TBCD: variants seen among roughly 807,000 people sequenced by gnomAD.
The protein encoded by TBCD is tubulin-specific chaperone D.
Under a neutral mutation model 169.3 loss-of-function variants are expected in TBCD, and 105 were observed. That is an observed-to-expected ratio of 0.62 (90% CI 0.53 to 0.73). The LOEUF (loss-of-function observed/expected upper bound fraction) is 0.73. TBCD is among the 30% of genes least tolerant of loss of function. TBCD has a pLI of 0.00. For missense variants in TBCD, 1,444 were observed against 1,600.1 expected, an observed-to-expected ratio of 0.90 and a Z score of 1.66; for synonymous variants, 700 against 643.9, an observed-to-expected ratio of 1.09 and a Z score of -1.32.
chr17:82,839,227 C>T (rs1314207601), intron 13 of TBCD, among the ~76,000 whole-genome samples: 1 of 152,180 alleles, frequency 6.6e-6, no homozygotes, highest in Non-Finnish European at 1.5e-5. Context: ...AAACATATAA[C>T]CCTAAATTCA....
rs1488383902 is a variant in TBCD at position 82,781,584 on chromosome 17, G to T, written c.639-5G>T. 1 of 1,613,374 alleles carries T rather than the reference G, an allele frequency of 6.2e-7. No individual in the cohort carries two copies. The highest frequency in any genetic ancestry group is 8.5e-7 in the Non-Finnish European group (1 of 1,179,828). ...GGCCTTGGTTGAGCTGTATCCTTTT[G>T]GCAGATTTATCACACGTCCTGATGT... is the stretch of plus-strand genomic sequence containing the variant. On this transcript the variant is annotated splice_region_variant and splice_polypyrimidine_tract_variant and intron_variant, in intron 6 of 38. Coordinates refer to ENST00000355528, the MANE Select transcript of TBCD (RefSeq NM_005993.5).
intron 13 of TBCD, among the ~76,000 whole-genome samples, chr17:82,867,062 G>A (rs1003460603): frequency 1.5e-4 from 23 of 152,204 alleles, no homozygotes; most frequent in Admixed American, 6.5e-4. Flanking sequence ...AGCTGACTAC[G>A]ATGGTGCTAA....
chr17:82,832,027 G>A lies in TBCD; in HGVS notation c.1318+17093G>A, dbSNP rs752878414. 6.8e-6 allele frequency: 11 copies of A among 1,612,632 alleles called. No homozygotes were observed. The highest frequency in any genetic ancestry group is 6.6e-5 in the South Asian group (6 of 91,070). ...AGGCTGGGCACCGAGGGCGGCTTCC[G>A]GAGCTGGGCTCTTGCAGGGTGATGC... On this transcript the variant is annotated intron_variant, in intron 13 of 38. Coordinates refer to ENST00000355528, the MANE Select transcript of TBCD (RefSeq NM_005993.5). This position sits in a 1 kb window ranked among gnomAD's most constrained non-coding sequence, Gnocchi z 4.9.
chr17:82,860,969 C>T (rs1208151571), intron 13 of TBCD, among the ~76,000 whole-genome samples: 1 of 152,194 alleles, frequency 6.6e-6, no homozygotes, highest in Non-Finnish European at 1.5e-5. Flanking sequence ...GGGGGGAGCT[C>T]TTCAGAATCT....
chr17:82,756,471 GT>G (rs900121556), intron 2 of TBCD, among the ~76,000 whole-genome samples: 2 of 151,542 alleles, frequency 1.3e-5, no homozygotes, highest in African/African-American at 2.4e-5. Context: ...CTCCTCATGT[GT>G]TTTTTTTGTT....
rs527893726 is a variant in TBCD, at chr17:82,870,378, G to A, written c.1473G>A (p.Ser491=). The change falls in exon 14 of 39, where the codon TCG becomes TCA. Residue 491 remains serine (S), a splice_region_variant and synonymous_variant. Coordinates refer to ENST00000355528, the MANE Select transcript of TBCD (RefSeq NM_005993.5). The stretch of plus-strand genomic sequence containing the variant: ...TGAAGCCCTTTGTGACTGCAATCTC[G>A]AGGTAGGCCCATTCGTCGAGGTACA... The part of the protein sequence containing the change: ...QELKPFVTAI[S]SALVIAAVFD... The A allele has an allele frequency of 8.1e-6, 13 of 1,612,110 alleles. No individual in the cohort carries two copies. The highest frequency in any genetic ancestry group is 2.2e-5 in the East Asian group (1 of 44,860).
chr17:82,883,258 C>T (rs1168132022), intron 14 of TBCD, among the ~76,000 whole-genome samples: 2 of 152,240 alleles, frequency 1.3e-5, no homozygotes, highest in Non-Finnish European at 1.5e-5. Flanking sequence ...CCTTGGAGGC[C>T]GCTTATCTCC....
At chr17:82,758,642 CTTTTGCTTTTTTT>C (rs1568090460) in intron 2 of TBCD, among the ~76,000 whole-genome samples, 2 of 141,416 alleles carry the variant, frequency 1.4e-5, no homozygotes, top group African/African-American at 5.3e-5. Context: ...TTTTTCCACC[CTTTTGCTTTTTTT>C]TTTTTCTTTT....
At chr17:82,896,111 A>T (rs2059458743) in intron 17 of TBCD, 1 of 152,114 alleles carries the variant, frequency 6.6e-6, no homozygotes, top group Non-Finnish European at 1.5e-5. Flanking sequence ...CCCCTTCTTC[A>T]GGCACCCCTG....
rs11288367 is a variant in TBCD, at chr17:82,798,151, A to ATT, written c.817+361_817+362dup. On this transcript the variant is annotated intron_variant, in intron 8 of 38. Coordinates refer to ENST00000355528, the MANE Select transcript of TBCD (RefSeq NM_005993.5). ...GCCACCATGCCCAGCTAATTTTTGT[A>ATT]TTTTTTTTTTTTTGAGATGGATTTT... is the stretch of plus-strand genomic sequence containing the variant. Among the ~76,000 whole-genome samples the ATT allele has an allele frequency of 8.2e-3, 971 of 117,846 alleles. 16 individuals carry two copies. The highest frequency in any genetic ancestry group is 0.027 in the African/African-American group (890 of 33,188). 77.3% of individuals were successfully genotyped at this position (117,846 alleles called of 152,430 possible).
intron 13 of TBCD, among the ~76,000 whole-genome samples, chr17:82,862,181 C>T (rs1016893521): frequency 1.3e-5 from 2 of 152,166 alleles, no homozygotes; most frequent in Non-Finnish European, 2.9e-5. Flanking sequence ...CTCAGCCTCC[C>T]AAAGTGCTGG....
intron 1 of TBCD, among the ~76,000 whole-genome samples, chr17:82,755,632 A>G (rs1598365070): frequency 6.6e-6 from 1 of 152,178 alleles, no homozygotes; most frequent in East Asian, 1.9e-4. Context: ...CACTCCCCAC[A>G]ATCCCTTAAT....
At chr17:82,830,562 C>T (rs2145237710) in intron 13 of TBCD, 1 of 1,614,066 alleles carries the variant, frequency 6.2e-7, no homozygotes, top group East Asian at 2.2e-5. Flanking sequence ...CTGTCCCAGT[C>T]TTCTGTGGAA....
At chr17:82,817,979 G>A (rs1239789340) in intron 13 of TBCD, among the ~76,000 whole-genome samples, 1 of 152,164 alleles carries the variant, frequency 6.6e-6, no homozygotes, top group Non-Finnish European at 1.5e-5. Flanking sequence ...TAGCTGGGAT[G>A]GAATGAAGTC....
chr17:82,766,452 C>T (rs2048021821), intron 4 of TBCD, 84 bp downstream of exon 4: 1 of 837,532 alleles, frequency 1.2e-6, no homozygotes, highest in Non-Finnish European at 1.9e-6. Context: ...TGCACCTTCC[C>T]CTTCCTGTTT....
intron 6 of TBCD, among the ~76,000 whole-genome samples, chr17:82,780,175 G>T (rs1217920493): frequency 3.2e-5 from 2 of 62,784 alleles, no homozygotes; most frequent in Non-Finnish European, 8.1e-5. Flanking sequence ...TTCTGCCCTG[G>T]GCCCTGGCTC....
chr17:82,908,024 G>A (rs1271261887), intron 21 of TBCD, among the ~76,000 whole-genome samples: 1 of 152,232 alleles, frequency 6.6e-6, no homozygotes, highest in Non-Finnish European at 1.5e-5. Flanking sequence ...CCACCTTGGA[G>A]GGTTGCCCTG....
chr17:82,764,093 A>G (rs776235724), intron 3 of TBCD, 31 bp downstream of exon 3: 3 of 1,546,544 alleles, frequency 1.9e-6, no homozygotes, highest in East Asian at 2.2e-5. Context: ...CAGAGTTGAC[A>G]GATACTTTTG....
Position 82,930,629 on chromosome 17 carries a change from C to G in TBCD, c.3099C>G (p.Asn1033Lys), listed in dbSNP as rs748615072. The G allele has an allele frequency of 5.6e-6, 9 of 1,613,994 alleles. No individual in the cohort carries two copies. The highest frequency in any genetic ancestry group is 7.6e-6 in the Non-Finnish European group (9 of 1,179,886). ...SGTLLQIFED[N>K]LLNERVSVPL... is the part of the protein sequence containing the mutation. ...CCCTTCTGCAGATCTTTGAGGACAACCTTCTGAATGAGAGGTGAGTGGTGT... is the reference window on the plus strand; with the variant it reads ...CCCTTCTGCAGATCTTTGAGGACAAGCTTCTGAATGAGAGGTGAGTGGTGT... The change falls in exon 33 of 39, where the codon AAC (asparagine) becomes AAG (lysine). Residue 1033 changes from asparagine to lysine, a missense_variant. Physicochemically the swap from Asn to Lys is moderately conservative, Grantham distance 94. Coordinates refer to ENST00000355528, the MANE Select transcript of TBCD (RefSeq NM_005993.5). The surrounding 1 kb of genome is among the most constrained non-coding windows in gnomAD (Gnocchi z 5.2).
Sources: allele counts gnomAD v4.1 joint callset (sites outside exome capture counted in the v4.1 genomes callset), GRCh38; gene constraint gnomAD v4.1.1; non-coding constraint Gnocchi (gnomAD v3.1); transcripts MANE v1.5; gene names NCBI Gene and HGNC (gene_info 2026-07-23, HGNC 2026-07-21).